RABGAP1L: variants seen among roughly 807,000 people sequenced by gnomAD.
The protein encoded by RABGAP1L is RAB GTPase activating protein 1 like, also known as rab GTPase-activating protein 1-like.
RABGAP1L carries 63 observed loss-of-function variants against 137.7 expected under a neutral mutation model. The ratio of observed to expected loss-of-function variants is 0.46; its 90% CI spans 0.37 to 0.56. The LOEUF (loss-of-function observed/expected upper bound fraction) is 0.56, where lower values mean the gene tolerates loss of function less well. RABGAP1L is among the 20% of genes least tolerant of loss of function. RABGAP1L has a pLI of 0.00. For missense variants in RABGAP1L, 1,095 were observed against 1,244.0 expected, an observed-to-expected ratio of 0.88 and a Z score of 1.80; for synonymous variants, 431 against 433.7, an observed-to-expected ratio of 0.99 and a Z score of 0.08.
At chr1:174,338,414 T>A (rs1365881651) in intron 11 of RABGAP1L, among the ~76,000 whole-genome samples, 1 of 152,148 alleles carries the variant, frequency 6.6e-6, no homozygotes, top group East Asian at 1.9e-4. Context: ...AAAATCCTCA[T>A]GCAGTTTTAA....
chr1:174,503,576 G>T (rs1290721947), intron 13 of RABGAP1L, among the ~76,000 whole-genome samples: 1 of 145,800 alleles, frequency 6.9e-6, no homozygotes, highest in Non-Finnish European at 1.5e-5. Flanking sequence ...CAGGAGAATT[G>T]CCTGAACTCG....
chr1:174,421,779 T>C (rs954274031), intron 13 of RABGAP1L, among the ~76,000 whole-genome samples: 5 of 152,204 alleles, frequency 3.3e-5, no homozygotes, highest in African/African-American at 7.2e-5. Context: ...TTGTGTGTTT[T>C]TGTTTTTGAG....
chr1:174,721,879 C>A (rs1334516693), intron 17 of RABGAP1L, among the ~76,000 whole-genome samples: 1 of 152,140 alleles, frequency 6.6e-6, no homozygotes. Flanking sequence ...GGTTTTAAAA[C>A]ATCAAATTCA....
At chr1:174,376,034 C>T (rs1481614286) in intron 12 of RABGAP1L, among the ~76,000 whole-genome samples, 1 of 151,656 alleles carries the variant, frequency 6.6e-6, no homozygotes, top group East Asian at 1.9e-4. Flanking sequence ...TACCACTGCA[C>T]TCCAGCCAGT....
At chr1:174,860,913 G>A (rs1051737933) in intron 19 of RABGAP1L, among the ~76,000 whole-genome samples, 7 of 151,168 alleles carry the variant, frequency 4.6e-5, no homozygotes, top group Non-Finnish European at 1.0e-4. Flanking sequence ...TATAGTTAAT[G>A]TGTGTGTGTG....
intron 18 of RABGAP1L, among the ~76,000 whole-genome samples, chr1:174,752,782 G>A (rs1361935030): frequency 1.3e-5 from 2 of 152,070 alleles, no homozygotes; most frequent in African/African-American, 4.8e-5. Flanking sequence ...AAAAGAAACT[G>A]CTACATTTCA....
At chr1:174,536,728 T>C (rs1450163342) in intron 13 of RABGAP1L, among the ~76,000 whole-genome samples, 3 of 152,186 alleles carry the variant, frequency 2.0e-5, no homozygotes, top group African/African-American at 7.2e-5. Flanking sequence ...TTTTTCTTAG[T>C]CATTTCAAGG....
intron 18 of RABGAP1L, among the ~76,000 whole-genome samples, chr1:174,763,197 TTA>T (rs1393411181): frequency 6.6e-6 from 1 of 152,066 alleles, no homozygotes; most frequent in Non-Finnish European, 1.5e-5. Context: ...GAGATATAAT[TTA>T]TGTGTCATAA....
intron 14 of RABGAP1L, among the ~76,000 whole-genome samples, chr1:174,642,165 G>GA (rs746588662): frequency 6.6e-6 from 1 of 151,930 alleles, no homozygotes; most frequent in Non-Finnish European, 1.5e-5. Flanking sequence ...AATGCTCTCT[G>GA]AAAAAAGAGG....
chr1:174,678,101 G>C (rs1677774240), intron 14 of RABGAP1L, among the ~76,000 whole-genome samples: 1 of 151,938 alleles, frequency 6.6e-6, no homozygotes, highest in African/African-American at 2.4e-5. Context: ...GTCAATTAGG[G>C]ACTATTATGA....
chr1:174,818,848 G>A lies in RABGAP1L; in HGVS notation c.2340+6888G>A, dbSNP rs575341880. 2.7e-5 allele frequency among the ~76,000 whole-genome samples: 4 copies of A among 150,196 alleles called. No homozygotes were observed. The East Asian group carries it at 5.8e-4, about 22-fold the overall frequency. The stretch of plus-strand genomic sequence containing the variant: ...ACATGGTGAAACCCCGTCTCTACCA[G>A]TAAAAAAGAAAAAAAAAAATTAGCC... On this transcript the variant is annotated intron_variant, in intron 19 of 25. Transcript: ENST00000681986.
chr1:174,719,660 T>C (rs1350324937), intron 17 of RABGAP1L, among the ~76,000 whole-genome samples: 2 of 152,192 alleles, frequency 1.3e-5, no homozygotes, highest in African/African-American at 2.4e-5. Context: ...AGATGGAGTA[T>C]TGAGGACTGG....
intron 12 of RABGAP1L, among the ~76,000 whole-genome samples, chr1:174,380,424 C>CT (rs1686023067): frequency 1.3e-5 from 2 of 151,072 alleles, no homozygotes; most frequent in African/African-American, 4.9e-5. Context: ...GTCCTGGACT[C>CT]TTTTTGGTTG....
chr1:174,485,343 C>T (rs1443710564), intron 13 of RABGAP1L, among the ~76,000 whole-genome samples: 1 of 152,114 alleles, frequency 6.6e-6, no homozygotes, highest in East Asian at 1.9e-4. Context: ...CTTCTCTTTT[C>T]TGACTGCTCT....
intron 13 of RABGAP1L, among the ~76,000 whole-genome samples, chr1:174,595,958 T>C (rs1453484486): frequency 5.0e-4 from 51 of 102,312 alleles, no homozygotes; most frequent in Admixed American, 1.2e-3. Flanking sequence ...CCCAGCCTCG[T>C]TGCCGCCTTG....
At chr1:174,411,533 A>C (rs1007843894) in intron 13 of RABGAP1L, among the ~76,000 whole-genome samples, 5 of 151,972 alleles carry the variant, frequency 3.3e-5, no homozygotes, top group African/African-American at 1.2e-4. Context: ...TATGTGTTCA[A>C]TCAAATTTAT....
At chr1:174,464,634 A>C (rs1307083341) in intron 13 of RABGAP1L, among the ~76,000 whole-genome samples, 2 of 151,906 alleles carry the variant, frequency 1.3e-5, no homozygotes, top group African/African-American at 4.8e-5. Flanking sequence ...CTGTTTAATA[A>C]ATGTTAATTG....
At chr1:174,980,891 C>G (rs563131178) in intron 23 of RABGAP1L, among the ~76,000 whole-genome samples, 5 of 148,520 alleles carry the variant, frequency 3.4e-5, no homozygotes, top group South Asian at 4.3e-4. Flanking sequence ...AAGGGAGACA[C>G]AAAAGACAGT....
intron 11 of RABGAP1L, among the ~76,000 whole-genome samples, chr1:174,358,234 G>A (rs1187217853): frequency 6.6e-6 from 1 of 152,094 alleles, no homozygotes; most frequent in East Asian, 1.9e-4. Flanking sequence ...AGAGAACAAA[G>A]AGAAGGTTTG....
Sources: allele counts gnomAD v4.1 joint callset (sites outside exome capture counted in the v4.1 genomes callset), GRCh38; gene constraint gnomAD v4.1.1; transcripts MANE v1.5; gene names NCBI Gene and HGNC (gene_info 2026-07-23, HGNC 2026-07-21).